The following LRP6 variants were observed in gnomAD, a reference collection of about 807,000 sequenced individuals.
The protein encoded by LRP6 is LDL receptor related protein 6, also known as low-density lipoprotein receptor-related protein 6.
In LRP6, 43 loss-of-function variants were observed where a neutral mutation model predicts 184.1. The observed-to-expected ratio is 0.23, with a 90% CI of 0.18 to 0.30. The LOEUF is 0.30. LRP6 is among the 10% of genes least tolerant of loss of function. The pLI, the probability that LRP6 is intolerant of heterozygous loss-of-function variation, is 1.00. For synonymous variants in LRP6, 719 were observed against 684.9 expected (o/e 1.05, Z -0.78); for missense variants, 1,571 against 2,005.3 (o/e 0.78, Z 4.14).
intron 2 of LRP6, among the ~76,000 whole-genome samples, chr12:12,203,801 C>G (rs1863978959): frequency 6.6e-6 from 1 of 152,108 alleles, no homozygotes; most frequent in South Asian, 2.1e-4. Context: ...AACAAAAAAA[C>G]ACCTCATTTT....
intron 3 of LRP6, 160 bp from the exon 4 acceptor site, chr12:12,187,279 A>G (rs970061342): frequency 1.5e-6 from 1 of 660,908 alleles, no homozygotes; most frequent in African/African-American, 1.8e-5. Flanking sequence ...AATAATTCAC[A>G]TAATGAATTC....
intron 7 of LRP6, among the ~76,000 whole-genome samples, chr12:12,177,783 A>C (rs1389665267): frequency 6.6e-6 from 1 of 152,192 alleles, no homozygotes; most frequent in Non-Finnish European, 1.5e-5. Flanking sequence ...AAAGGGGACA[A>C]AAAACAAACA....
intron 12 of LRP6, among the ~76,000 whole-genome samples, chr12:12,153,400 A>G (rs2136924666): frequency 6.6e-6 from 1 of 152,308 alleles, no homozygotes; most frequent in Admixed American, 6.5e-5. Context: ...AATCAAATAT[A>G]TATTTGGCTC....
intron 20 of LRP6, among the ~76,000 whole-genome samples, chr12:12,126,129 A>C (rs770100656): frequency 1.8e-4 from 27 of 152,222 alleles, no homozygotes; most frequent in Non-Finnish European, 2.6e-4. Flanking sequence ...ATTAAAAAGA[A>C]GGCCAGTTCC....
At chr12:12,128,677 C>CATTAA (rs1949706709) in intron 19 of LRP6, among the ~76,000 whole-genome samples, 1 of 152,164 alleles carries the variant, frequency 6.6e-6, no homozygotes, top group Admixed American at 6.5e-5. Context: ...TGGCAAAGTA[C>CATTAA]ACGCCTGCCT....
chr12:12,228,149 T>G (rs1864678302), intron 2 of LRP6, among the ~76,000 whole-genome samples: 1 of 152,064 alleles, frequency 6.6e-6, no homozygotes, highest in Non-Finnish European at 1.5e-5. Context: ...GGCAGGGGGA[T>G]CACCTGAGGT....
At chr12:12,211,335 G>A (rs61920855) in intron 2 of LRP6, among the ~76,000 whole-genome samples, 128,884 of 151,482 alleles carry the variant, frequency 0.85, 55,018 homozygotes, top group East Asian at 0.95. Context: ...ACAGCTACTT[G>A]GGAGGCTGAG....
intron 8 of LRP6, 124 bp downstream of exon 8, chr12:12,164,955 A>AAAAAAAAAAAAAAAAGG: frequency 5.7e-6 from 3 of 528,570 alleles, no homozygotes; most frequent in South Asian, 2.3e-5. Context: ...AAAAAAAAAA[A>AAAAAAAAAAAAAAAAGG]GGCGGGGGGG....
chr12:12,202,253 A>C (rs1046276447), intron 3 of LRP6, among the ~76,000 whole-genome samples: 1 of 152,264 alleles, frequency 6.6e-6, no homozygotes, highest in African/African-American at 2.4e-5. Flanking sequence ...TTTACAAATA[A>C]AGTTTTACAC....
rs746829798 is a variant in LRP6 at position 12,217,535 on chromosome 12, C to T, written c.450-14135G>A. Among the ~76,000 whole-genome samples, 60 of 152,104 alleles carry T rather than the reference C, an allele frequency of 3.9e-4. 2 individuals are homozygous for T. Among genetic ancestry groups the T allele is most frequent in the Admixed American group, 3.7e-3 (57 of 15,258 alleles). ...CAGTCCGTGGAAAAACTGTCTTCCA[C>T]AAAACCAGTCCCTGGTGCCAAAAAG... On this transcript the variant is annotated intron_variant, in intron 2 of 22. Coordinates refer to ENST00000261349, the MANE Select transcript of LRP6 (RefSeq NM_002336.3).
rs563401337 is a variant in LRP6, at chr12:12,225,005, G to C, written c.449+19257C>G. On this transcript the variant is annotated intron_variant, in intron 2 of 22. Coordinates refer to ENST00000261349, the MANE Select transcript of LRP6 (RefSeq NM_002336.3). The stretch of plus-strand genomic sequence containing the variant: ...GGATCACCTGAGGTCGGGAGTTCTA[G>C]ACCAGCCTGACCAACATGGTTAAAC... Among the ~76,000 whole-genome samples the C allele has an allele frequency of 3.9e-5, 6 of 152,284 alleles. No individual in the cohort carries two copies. The East Asian group carries it at 7.7e-4, about 20-fold the overall frequency.
intron 15 of LRP6, among the ~76,000 whole-genome samples, chr12:12,142,680 G>A (rs1949951430): frequency 6.6e-6 from 1 of 151,836 alleles, no homozygotes; most frequent in African/African-American, 2.4e-5. Flanking sequence ...AAAATTATAA[G>A]GTAATCCTTC....
chr12:12,170,730 T>C (rs1863011703), intron 7 of LRP6, among the ~76,000 whole-genome samples: 1 of 152,054 alleles, frequency 6.6e-6, no homozygotes, highest in South Asian at 2.1e-4. Context: ...ATGTCTTTTA[T>C]TTGGTCTTTC....
At chr12:12,201,293 C>G (rs527542089) in intron 3 of LRP6, among the ~76,000 whole-genome samples, 1 of 152,278 alleles carries the variant, frequency 6.6e-6, no homozygotes, top group South Asian at 2.1e-4. Context: ...TGGATGAGCA[C>G]TCTGGCAGGT....
rs550412705 is a variant in LRP6 at position 12,221,238 on chromosome 12, T to C, written c.450-17838A>G. ...CAAAAGCCAACTTAACATTAAACTT[T>C]TGTATTTATATCACCATAAACAATG... is the stretch of plus-strand genomic sequence containing the variant. On this transcript the variant is annotated intron_variant, in intron 2 of 22. Coordinates refer to ENST00000261349, the MANE Select transcript of LRP6 (RefSeq NM_002336.3). Among the ~76,000 whole-genome samples the C allele has an allele frequency of 3.3e-5, 5 of 152,360 alleles. No homozygotes were observed. In the East Asian group the frequency reaches 9.6e-4, roughly 29 times the overall value.
chr12:12,208,645 T>C (rs1439966337), intron 2 of LRP6, among the ~76,000 whole-genome samples: 2 of 152,192 alleles, frequency 1.3e-5, no homozygotes, highest in East Asian at 3.8e-4. Context: ...ATTGCACGTA[T>C]TCTTTTTTAA....
intron 2 of LRP6, among the ~76,000 whole-genome samples, chr12:12,208,909 T>C (rs968805131): frequency 1.3e-5 from 2 of 152,330 alleles, no homozygotes; most frequent in African/African-American, 2.4e-5. Context: ...GATATTTCCA[T>C]CTTGATAGAG....
intron 2 of LRP6, among the ~76,000 whole-genome samples, chr12:12,239,938 C>T (rs193029103): frequency 2.8e-4 from 42 of 151,168 alleles, no homozygotes; most frequent in African/African-American, 8.2e-4. Context: ...ATTTGAGACA[C>T]GGTGATGGAT....
intron 20 of LRP6, among the ~76,000 whole-genome samples, chr12:12,125,997 T>C (rs920288133): frequency 1.3e-5 from 2 of 152,178 alleles, no homozygotes; most frequent in Admixed American, 1.3e-4. Context: ...TTAAAAACCA[T>C]GTTTGTCTAC....
Sources: gnomAD v4.1 joint callset for allele counts (sites outside exome capture counted in the v4.1 genomes callset) on GRCh38, gnomAD v4.1.1 for gene constraint, MANE v1.5 for transcripts, NCBI Gene and HGNC (gene_info 2026-07-23, HGNC 2026-07-21) for gene names.